Variants in GAPVD1 observed in about 807,000 individuals in gnomAD.
GAPVD1 encodes GTPase-activating protein and VPS9 domain-containing protein 1.
Under a neutral mutation model 155.5 loss-of-function variants are expected in GAPVD1, and 35 were observed. The observed-to-expected ratio is 0.23, with a 90% CI of 0.17 to 0.30. The LOEUF is 0.30. Ranked by LOEUF, GAPVD1 falls within the 10% of genes least tolerant of loss-of-function variation. The pLI, the probability that GAPVD1 is intolerant of heterozygous loss-of-function variation, is 1.00. For missense variants in GAPVD1, 1,429 were observed against 1,775.7 expected (o/e 0.80, Z 3.51); for synonymous variants, 636 against 619.7 (o/e 1.03, Z -0.39).
chr9:125,335,873 C>T (rs1397676816), intron 15 of GAPVD1, among the ~76,000 whole-genome samples: 1 of 151,998 alleles, frequency 6.6e-6, no homozygotes, highest in African/African-American at 2.4e-5. Context: ...GATATCTTGG[C>T]CAGGCATGGT....
intron 1 of GAPVD1, among the ~76,000 whole-genome samples, chr9:125,268,401 C>T (rs567172780): frequency 3.3e-4 from 50 of 150,248 alleles, no homozygotes; most frequent in African/African-American, 1.2e-3. Flanking sequence ...ATGTACTGAT[C>T]TTTTGTTGGT....
At chr9:125,293,875 T>TTATATATATATATATA (rs1564311820) in intron 2 of GAPVD1, among the ~76,000 whole-genome samples, 6 of 16,644 alleles carry the variant, frequency 3.6e-4, no homozygotes, top group African/African-American at 1.8e-3. Flanking sequence ...TATATATATA[T>TTATATATATATATATA]ATATATATAT....
intron 20 of GAPVD1, among the ~76,000 whole-genome samples, chr9:125,348,179 C>T (rs1778286294): frequency 6.6e-6 from 1 of 152,102 alleles, no homozygotes; most frequent in African/African-American, 2.4e-5. Context: ...TCTCAGCTTC[C>T]TGAGTAGCTG....
At chr9:125,301,942 C>T (rs184643337) in intron 4 of GAPVD1, 41 bp from the exon 5 acceptor site, 66 of 1,373,864 alleles carry the variant, frequency 4.8e-5, no homozygotes, top group Admixed American at 2.7e-4. Context: ...ATTATTAATA[C>T]TATTATTTTG....
chr9:125,268,085 A>G (rs1463497267), intron 1 of GAPVD1, among the ~76,000 whole-genome samples: 1 of 151,588 alleles, frequency 6.6e-6, no homozygotes, highest in Non-Finnish European at 1.5e-5. Context: ...AATCGCTTGA[A>G]CCCAGGAGGC....
chr9:125,335,369 A>AT, intron 15 of GAPVD1: 1 of 480,846 alleles, frequency 2.1e-6, no homozygotes. Context: ...TACCATTAAA[A>AT]TTTTTTCTTT....
At chr9:125,298,305 A>G (rs1840195940) in intron 3 of GAPVD1, among the ~76,000 whole-genome samples, 1 of 152,150 alleles carries the variant, frequency 6.6e-6, no homozygotes. Flanking sequence ...GTATTTGAGG[A>G]TATACACAGG....
In GAPVD1 at chr9:125,300,041, ATATATATATATATATATATATATATATAT is replaced by A. The variant is rs1840592579; in HGVS notation, c.185+936_185+964del. Among the ~76,000 whole-genome samples the A allele has an allele frequency of 1.3e-3, 18 of 13,558 alleles. 3 individuals carry two copies. Among genetic ancestry groups the A allele is most frequent in the African/African-American group, 5.7e-3 (18 of 3,150 alleles). The allele number at this position is 13,558 out of a possible 152,430, so 8.9% of individuals were successfully genotyped here. On this transcript the variant is annotated intron_variant, in intron 4 of 27. Transcript: ENST00000297933. ...CTCAAAAGAAAAAAAAAAAAAAAAT[ATATATATATATATATATATATATATATAT>A]ATATATATATATATATATATATATG...
chr9:125,317,872 T>C (rs1396136875), intron 9 of GAPVD1, among the ~76,000 whole-genome samples: 1 of 151,948 alleles, frequency 6.6e-6, no homozygotes, highest in Non-Finnish European at 1.5e-5. Flanking sequence ...GTATAATAAC[T>C]GGAATGAAAA....
chr9:125,316,187 T>G (rs1843394939), intron 9 of GAPVD1, among the ~76,000 whole-genome samples: 2 of 152,118 alleles, frequency 1.3e-5, no homozygotes, highest in African/African-American at 4.8e-5. Flanking sequence ...TTTGTAACAT[T>G]TATTTGTTTA....
chr9:125,354,348 A>G (rs1459049002), intron 23 of GAPVD1, among the ~76,000 whole-genome samples: 1 of 152,214 alleles, frequency 6.6e-6, no homozygotes, highest in Non-Finnish European at 1.5e-5. Context: ...TATAAAATAC[A>G]CCAAGTATGC....
chr9:125,272,962 G>A (rs1162232725), intron 2 of GAPVD1, among the ~76,000 whole-genome samples: 1 of 152,142 alleles, frequency 6.6e-6, no homozygotes, highest in Admixed American at 6.6e-5. Context: ...TGTACCCGCT[G>A]TATTTATGGA....
At chr9:125,285,840 A>ATTCTGTTGGTCAGGCTGGAGTG (rs1837604169) in intron 2 of GAPVD1, among the ~76,000 whole-genome samples, 1 of 152,038 alleles carries the variant, frequency 6.6e-6, no homozygotes, top group Admixed American at 6.6e-5. Flanking sequence ...ACAGGGTCTC[A>ATTCTGTTGGTCAGGCTGGAGTG]TTCTGTTGGT....
chr9:125,306,407 A>G (rs1841812624), intron 6 of GAPVD1, among the ~76,000 whole-genome samples: 1 of 152,146 alleles, frequency 6.6e-6, no homozygotes, highest in South Asian at 2.1e-4. Flanking sequence ...TACGTACACT[A>G]TATACTTCCA....
rs1851163093 is a variant in GAPVD1 at position 125,363,033 on chromosome 9, A to G, written c.*287A>G. 1.1e-5 allele frequency: 2 copies of G among 179,880 alleles called. No individual in the cohort carries two copies. Among genetic ancestry groups the G allele is most frequent in the Non-Finnish European group, 2.3e-5 (2 of 86,076 alleles). The allele number at this position is 179,880 out of a possible 1,614,324, so 11.1% of individuals were successfully genotyped here. On this transcript the variant is annotated 3_prime_UTR_variant, in exon 28 of 28. Transcript: ENST00000297933. ...TCAAGTATTTCTAAGTATAAAAAAC[A>G]AAACAAAAATCTCTTAGGAAATGTC... is the stretch of plus-strand genomic sequence containing the variant.
intron 2 of GAPVD1, among the ~76,000 whole-genome samples, chr9:125,294,427 A>G (rs116488464): frequency 7.5e-4 from 112 of 150,150 alleles, no homozygotes; most frequent in African/African-American, 2.5e-3. Context: ...GCTCACTGCA[A>G]CCTTCACCTC....
At chr9:125,309,907 A>G (rs753197840) in intron 8 of GAPVD1, 16 of 454,724 alleles carry the variant, frequency 3.5e-5, no homozygotes, top group Admixed American at 2.5e-4. Flanking sequence ...TTTTCTTTCT[A>G]TTTAATGCTT....
Position 125,305,043 on chromosome 9 carries a change from A to T in GAPVD1, c.1030-20A>T. On this transcript the variant is annotated intron_variant, in intron 5 of 27. Coordinates refer to ENST00000297933, the MANE Select transcript of GAPVD1 (RefSeq NM_001282680.3). ...ATCTGTCTGTAGCTTATGTCTCCCTACCACTGCTTTGGGTTGCAGGTAGGC... is the reference window on the plus strand; with the variant it reads ...ATCTGTCTGTAGCTTATGTCTCCCTTCCACTGCTTTGGGTTGCAGGTAGGC... 6.4e-7 allele frequency: 1 copy of T among 1,556,600 alleles called. No individual in the cohort carries two copies. Among genetic ancestry groups the T allele is most frequent in the Non-Finnish European group, 8.9e-7 (1 of 1,127,930 alleles).
At chr9:125,356,068 T>C (rs1032320060) in intron 25 of GAPVD1, among the ~76,000 whole-genome samples, 2 of 152,206 alleles carry the variant, frequency 1.3e-5, no homozygotes, top group Non-Finnish European at 2.9e-5. Context: ...GAGTAGAAAT[T>C]GGTATAGCCT....
Sources: gnomAD v4.1 joint callset for allele counts (sites outside exome capture counted in the v4.1 genomes callset) on GRCh38, gnomAD v4.1.1 for gene constraint, MANE v1.5 for transcripts, NCBI Gene and HGNC (gene_info 2026-07-23, HGNC 2026-07-21) for gene names.